Variants in GPATCH11 observed in about 807,000 individuals in gnomAD.
GPATCH11 encodes the protein G-patch domain containing 11.
A neutral mutation model predicts 44.8 loss-of-function variants in GPATCH11; 32 were observed. The ratio of observed to expected loss-of-function variants is 0.71; its 90% CI spans 0.54 to 0.96. GPATCH11 has a LOEUF of 0.96. GPATCH11 is among the 40% of genes least tolerant of loss of function. The pLI is 0.00. For synonymous variants in GPATCH11, 84 were observed against 94.4 expected (o/e 0.89, Z 0.64); for missense variants, 324 against 303.1 (o/e 1.07, Z -0.51).
At chr2:37,085,233 ATGTAATCCTATT>A (rs1324925421) in intron 1 of GPATCH11, among the ~76,000 whole-genome samples, 1 of 152,228 alleles carries the variant, frequency 6.6e-6, no homozygotes, top group African/African-American at 2.4e-5. Context: ...CTTAAAAACA[ATGTAATCCTATT>A]TGCAAGGCAC....
At chr2:37,088,503 T>C (rs1194032874) in intron 2 of GPATCH11, 63 bp downstream of exon 2, 1 of 819,510 alleles carries the variant, frequency 1.2e-6, no homozygotes, top group South Asian at 1.8e-5. Context: ...AGAAATGACA[T>C]TGATTTTATT....
chr2:37,096,497 T>C lies in GPATCH11; in HGVS notation c.*234T>C. The C allele has an allele frequency of 2.1e-6, 1 of 470,776 alleles. No individual in the cohort carries two copies. The highest frequency in any genetic ancestry group is 2.6e-5 in the South Asian group (1 of 38,870). 29.2% of individuals were successfully genotyped at this position (470,776 alleles called of 1,614,324 possible). On this transcript the variant is annotated 3_prime_UTR_variant, in exon 9 of 9. Transcript: ENST00000674370. Reference sequence around the variant, plus strand: ...TGGACAGTTACAATTTATTGCTATATTGTGATACGTGAGGGGTTTAAGGAC... The same window carrying C: ...TGGACAGTTACAATTTATTGCTATACTGTGATACGTGAGGGGTTTAAGGAC...
Position 37,096,559 on chromosome 2 carries a change from G to T in GPATCH11, c.*296G>T. On this transcript the variant is annotated 3_prime_UTR_variant, in exon 9 of 9. Transcript: ENST00000674370. The stretch of plus-strand genomic sequence containing the variant: ...ACTTCTTATTCCCCTCTTCACTTTG[G>T]AACAAATTGAGAAATAAGAAATGGG... The T allele has an allele frequency of 3.7e-6, 1 of 269,216 alleles. No individual in the cohort carries two copies. Among genetic ancestry groups the T allele is most frequent in the Non-Finnish European group, 7.0e-6 (1 of 143,452 alleles). The allele number at this position is 269,216 out of a possible 1,614,324, so 16.7% of individuals were successfully genotyped here. A position where few individuals can be genotyped will look rare whatever the true frequency, so the allele number is the denominator to read the frequency against.
At chr2:37,089,591 AAAAG>A (rs1673212412) in intron 2 of GPATCH11, 45 bp from the exon 3 acceptor site, 3 of 1,291,480 alleles carry the variant, frequency 2.3e-6, no homozygotes, top group Non-Finnish European at 3.2e-6. Flanking sequence ...AAAAAAAAAG[AAAAG>A]AAAACTTTAT....
chr2:37,086,420 A>G (rs576600622), intron 1 of GPATCH11, among the ~76,000 whole-genome samples: 1 of 152,354 alleles, frequency 6.6e-6, no homozygotes, highest in East Asian at 1.9e-4. Context: ...ATGCAGTGGT[A>G]GGTAGGGAGG....
chr2:37,087,528 T>A (rs1364085288), intron 1 of GPATCH11, among the ~76,000 whole-genome samples: 1 of 152,272 alleles, frequency 6.6e-6, no homozygotes, highest in Non-Finnish European at 1.5e-5. Context: ...AGAAAATTAC[T>A]TTAACCCTTT....
rs1673657916 is a variant in GPATCH11 at position 37,097,668 on chromosome 2, A to G, written c.*1405A>G. The G allele has an allele frequency of 6.6e-6, 1 of 152,254 alleles. No individual in the cohort carries two copies. The highest frequency in any genetic ancestry group is 6.5e-5 in the Admixed American group (1 of 15,284). The allele number at this position is 152,254 out of a possible 1,614,324, so 9.4% of individuals were successfully genotyped here. ...TTTATTAGAAACAGCATACATAAGA[A>G]GATTGTAAAAATTAACCTACACTTG... On this transcript the variant is annotated 3_prime_UTR_variant, in exon 9 of 9. Transcript: ENST00000674370.
Position 37,097,656 on chromosome 2 carries a change from G to A in GPATCH11, c.*1393G>A, listed in dbSNP as rs1175579400. Reference sequence around the variant, plus strand: ...AGAACAACCCCTTTTATTAGAAACAGCATACATAAGAAGATTGTAAAAATT... The same window carrying A: ...AGAACAACCCCTTTTATTAGAAACAACATACATAAGAAGATTGTAAAAATT... On this transcript the variant is annotated 3_prime_UTR_variant, in exon 9 of 9. Transcript: ENST00000674370. 6.6e-6 allele frequency: 1 copy of A among 152,194 alleles called. No homozygotes were observed. The highest frequency in any genetic ancestry group is 1.5e-5 in the Non-Finnish European group (1 of 68,026). 9.4% of individuals were successfully genotyped at this position (152,194 alleles called of 1,614,324 possible).
chr2:37,094,351 T>C (rs1673472963), intron 7 of GPATCH11, 156 bp downstream of exon 7: 4 of 552,624 alleles, frequency 7.2e-6, no homozygotes, highest in Non-Finnish European at 1.3e-5. Context: ...AGTTGCACTT[T>C]TGCTTATGAC....
chr2:37,089,018 T>C (rs997909124), intron 2 of GPATCH11, among the ~76,000 whole-genome samples: 2 of 151,822 alleles, frequency 1.3e-5, no homozygotes, highest in African/African-American at 4.8e-5. Flanking sequence ...TATTGTCTCT[T>C]CTAGCTGCTA....
intron 6 of GPATCH11, 140 bp downstream of exon 6, chr2:37,092,395 C>T (rs9678191): frequency 5.8e-6 from 1 of 172,298 alleles, no homozygotes; most frequent in Admixed American, 6.9e-5. Context: ...ATATGTATTA[C>T]ATATATTTAT....
At chr2:37,089,548 C>G in intron 2 of GPATCH11, 92 bp from the exon 3 acceptor site, 1 of 951,852 alleles carries the variant, frequency 1.1e-6, no homozygotes, top group Non-Finnish European at 1.5e-6. Context: ...GCCCGGGCAA[C>G]AAGAGCGAAA....
chr2:37,091,430 C>T (rs546189119), intron 4 of GPATCH11, among the ~76,000 whole-genome samples: 59 of 151,750 alleles, frequency 3.9e-4, no homozygotes, highest in African/African-American at 1.1e-3. Context: ...TGTAGTGGCA[C>T]GCACCTGTAG....
chr2:37,093,910 C>T (rs888809692), intron 6 of GPATCH11, among the ~76,000 whole-genome samples, 172 bp from the exon 7 acceptor site: 2 of 152,220 alleles, frequency 1.3e-5, no homozygotes, highest in African/African-American at 4.8e-5. Flanking sequence ...CCACCTCTCC[C>T]TCCCAAAGTG....
intron 4 of GPATCH11, 52 bp downstream of exon 4, chr2:37,090,774 G>A (rs1673280984): frequency 1.2e-6 from 1 of 851,262 alleles, no homozygotes; most frequent in Admixed American, 2.7e-5. Flanking sequence ...TTACGCTTAG[G>A]TCTACCACAT....
rs1006387299 is a variant in GPATCH11, at chr2:37,098,918, G to T, written c.*2655G>T. On this transcript the variant is annotated 3_prime_UTR_variant, in exon 9 of 9. Transcript: ENST00000674370. ...AAAAAAAATCAGACTTTCAATATGAGTAACAAGTTATTTTTAGGCCTTTTA... is the reference window on the plus strand; with the variant it reads ...AAAAAAAATCAGACTTTCAATATGATTAACAAGTTATTTTTAGGCCTTTTA... The T allele has an allele frequency of 6.6e-6, 1 of 152,134 alleles. No homozygotes were observed. Among genetic ancestry groups the T allele is most frequent in the African/African-American group, 2.4e-5 (1 of 41,430 alleles). The allele number at this position is 152,134 out of a possible 1,614,324, so 9.4% of individuals were successfully genotyped here.
At chr2:37,091,855 A>G in intron 4 of GPATCH11, 61 bp from the exon 5 acceptor site, 1 of 1,523,654 alleles carries the variant, frequency 6.6e-7, no homozygotes, top group Non-Finnish European at 9.0e-7. Flanking sequence ...ACATAGTTAA[A>G]TCGTCTTGTT....
rs1180522902 is a variant in GPATCH11, at chr2:37,090,685, T to C, written c.291T>C (p.Gly97=). The C allele has an allele frequency of 8.2e-6, 12 of 1,472,084 alleles. No individual in the cohort carries two copies. The Admixed American group carries it at 2.3e-4, about 28-fold the overall frequency. 91.2% of individuals were successfully genotyped at this position (1,472,084 alleles called of 1,614,324 possible). A position where few individuals can be genotyped will look rare whatever the true frequency, so the allele number is the denominator to read the frequency against. The change falls in exon 4 of 9, where the codon GGT becomes GGC. Residue 97 remains glycine (G), a synonymous_variant. Transcript: ENST00000674370. The stretch of plus-strand genomic sequence containing the variant: ...TTTGTATTCATTCTCTTTAAGGGGG[T>C]GGTATTGTTGAACCAATTCCTCTCA... ...KSGQALGKSG[G]GIVEPIPLNI... is the part of the protein sequence containing the mutation.
intron 6 of GPATCH11, 41 bp downstream of exon 6, chr2:37,092,296 G>C (rs1673367527): frequency 2.2e-6 from 2 of 926,530 alleles, no homozygotes; most frequent in Non-Finnish European, 1.5e-6. Flanking sequence ...AAGTGTTTTG[G>C]CACCCCCTGT....
Sources: allele counts gnomAD v4.1 joint callset (sites outside exome capture counted in the v4.1 genomes callset), GRCh38; gene constraint gnomAD v4.1.1; transcripts MANE v1.5; gene names NCBI Gene and HGNC (gene_info 2026-07-23, HGNC 2026-07-21).